The following KMT2D variants were observed in gnomAD, a reference collection of about 807,000 sequenced individuals.
KMT2D encodes the protein histone-lysine N-methyltransferase 2D.
Under a neutral mutation model 512.7 loss-of-function variants are expected in KMT2D, and 55 were observed. That is an observed-to-expected ratio of 0.11 (90% CI 0.09 to 0.13). The LOEUF is 0.13. Among genes scored for constraint, KMT2D ranks in the 10% least tolerant of loss-of-function variants. KMT2D has a pLI of 1.00. For missense variants in KMT2D, 6,061 were observed against 7,127.9 expected, an observed-to-expected ratio of 0.85 and a Z score of 5.39; for synonymous variants, 2,995 against 2,904.0, an observed-to-expected ratio of 1.03 and a Z score of -1.01.
In KMT2D at chr12:49,051,851, G is replaced by C. The variant is rs2120677514; in HGVS notation, c.1832C>G (p.Pro611Arg). ...PPFEESPLSP[P>R]PEESPLSPPP... is the part of the protein sequence containing the mutation. ...TGGGGAAAGGGGAGACTCCTCAGGTGGAGGGGACAGAGGAGACTCTTCAAA... is the reference window on the plus strand; with the variant it reads ...TGGGGAAAGGGGAGACTCCTCAGGTCGAGGGGACAGAGGAGACTCTTCAAA... The change falls in exon 11 of 55, where the codon CCA (proline) becomes CGA (arginine). Residue 611 changes from proline (P) to arginine (R), a missense_variant. Coordinates refer to ENST00000301067, the MANE Select transcript of KMT2D (RefSeq NM_003482.4). 2.5e-6 allele frequency: 4 copies of C among 1,612,604 alleles called. No homozygotes were observed. The highest frequency in any genetic ancestry group is 3.4e-6 in the Non-Finnish European group (4 of 1,179,122).
Position 49,060,497 on chromosome 12 carries a change from C to T in KMT2D, c.-922G>A, listed in dbSNP as rs1938686841. Among the ~76,000 whole-genome samples the T allele has an allele frequency of 6.6e-6, 1 of 152,206 alleles. No homozygotes were observed. The highest frequency in any genetic ancestry group is 2.1e-4 in the South Asian group (1 of 4,830). On this transcript the variant is annotated 5_prime_UTR_variant, in exon 1 of 55. Transcript: ENST00000301067. The stretch of plus-strand genomic sequence containing the variant: ...AGAGGTGCATGGCCCAACCCCGGCT[C>T]CCGGCACCGGGGGGTCAGGAAACTG...
rs1942842467 is a variant in KMT2D at position 49,030,459 on chromosome 12, G to A, written c.13840-20C>T. On this transcript the variant is annotated intron_variant, in intron 42 of 54. Transcript: ENST00000301067. ...GTTATTCTGAGGGGTGGGGGGTGGG[G>A]TGTTGTGTGCAAGATGGCATAGGGA... 2 of 501,922 alleles carry A rather than the reference G, an allele frequency of 4.0e-6. No individual in the cohort carries two copies. Among genetic ancestry groups the A allele is most frequent in the African/African-American group, 2.5e-5 (1 of 39,994 alleles). The allele number at this position is 501,922 out of a possible 1,614,324, so 31.1% of individuals were successfully genotyped here. A position where few individuals can be genotyped will look rare whatever the true frequency, so the allele number is the denominator to read the frequency against.
In KMT2D at chr12:49,037,979, C is replaced by A. The variant is rs772418918; in HGVS notation, c.9377G>T (p.Gly3126Val). ...GAATTGGCAAGGAGAAGGGTGGCGTCCACCCTCCTCCACCTTGGGCTTCAC... is the reference window on the plus strand; with the variant it reads ...GAATTGGCAAGGAGAAGGGTGGCGTACACCCTCCTCCACCTTGGGCTTCAC... ...PEVKPKVEEG[G>V]RHPSPCQFTI... Residue 3126 changes from glycine (G) to valine (V), a missense_variant, in exon 35 of 55, where the codon GGA becomes GTA. Physicochemically the swap from Gly to Val is moderately radical, Grantham distance 109 (BLOSUM62 -3). Around this residue, in one of 16 missense-constraint regions of KMT2D, gnomAD observed 533 missense variants for 539.6 expected, o/e 0.99. Transcript: ENST00000301067. The A allele has an allele frequency of 6.9e-6, 11 of 1,600,814 alleles. No homozygotes were observed. The Admixed American group carries it at 6.9e-5, about 10-fold the overall frequency.
Position 49,022,430 on chromosome 12 carries a change from G to C in KMT2D, c.16339-77C>G, listed in dbSNP as rs1942375690. 1.3e-6 allele frequency: 2 copies of C among 1,513,944 alleles called. No individual in the cohort carries two copies. The highest frequency in any genetic ancestry group is 1.7e-5 in the Admixed American group (1 of 57,516). The allele number at this position is 1,513,944 out of a possible 1,614,324, so 93.8% of individuals were successfully genotyped here. ...GTGGTGGCTGTGGGATCAGGTAGGAGACTCAGGCAGTGGGGGCTTTTGTTG... is the reference window on the plus strand; with the variant it reads ...GTGGTGGCTGTGGGATCAGGTAGGACACTCAGGCAGTGGGGGCTTTTGTTG... On this transcript the variant is annotated intron_variant, in intron 52 of 54. Transcript: ENST00000301067. The surrounding 1 kb of genome is among the most constrained non-coding windows in gnomAD (Gnocchi z 8.6).
chr12:49,024,028 G>A lies in KMT2D; in HGVS notation c.16052+550C>T, dbSNP rs781012288. On this transcript the variant is annotated intron_variant, in intron 51 of 54. Coordinates refer to ENST00000301067, the MANE Select transcript of KMT2D (RefSeq NM_003482.4). The surrounding 1 kb of genome is among the most constrained non-coding windows in gnomAD (Gnocchi z 4.5). ...CTCAGTTTTCTCAGCTGTAAAATGGGGGTCATACCACCTGCCCTACCTACC... is the reference window on the plus strand; with the variant it reads ...CTCAGTTTTCTCAGCTGTAAAATGGAGGTCATACCACCTGCCCTACCTACC... The A allele has an allele frequency of 1.3e-5, 6 of 451,594 alleles. No homozygotes were observed. Among genetic ancestry groups the A allele is most frequent in the South Asian group, 9.5e-5 (6 of 63,270 alleles). The allele number at this position is 451,594 out of a possible 1,614,324, so 28.0% of individuals were successfully genotyped here.
rs1938311888 is a variant in KMT2D at position 49,054,845 on chromosome 12, C to A, written c.176+55G>T. 5.0e-6 allele frequency: 8 copies of A among 1,604,316 alleles called. No homozygotes were observed. The highest frequency in any genetic ancestry group is 2.2e-5 in the South Asian group (2 of 90,624). On this transcript the variant is annotated intron_variant, in intron 3 of 54. Transcript: ENST00000301067. This position sits in a 1 kb window ranked among gnomAD's most constrained non-coding sequence, Gnocchi z 6.4. ...TCCCCAACACTCATTTTCCTAAATTCTCTTCCTTGAAAGCCCTAGACTCTC... is the reference window on the plus strand; with the variant it reads ...TCCCCAACACTCATTTTCCTAAATTATCTTCCTTGAAAGCCCTAGACTCTC...
In KMT2D at chr12:49,032,594, G is replaced by A; in HGVS notation, c.12111C>T (p.Ala4037=). The change falls in exon 40 of 55, where the codon GCC becomes GCT. Residue 4037 remains alanine, a synonymous_variant. Coordinates refer to ENST00000301067, the MANE Select transcript of KMT2D (RefSeq NM_003482.4). The part of the protein sequence containing the change: ...NTVDPAVSSE[A]TEGPSTHQGG... Reference sequence around the variant, plus strand: ...CCTGATGTGTAGAGGGCCCCTCAGTGGCCTCTGAAGAAACGGCTGGGTCTA... The same window carrying A: ...CCTGATGTGTAGAGGGCCCCTCAGTAGCCTCTGAAGAAACGGCTGGGTCTA... 1.2e-6 allele frequency: 2 copies of A among 1,613,912 alleles called. No individual in the cohort carries two copies. Among genetic ancestry groups the A allele is most frequent in the Non-Finnish European group, 1.7e-6 (2 of 1,179,858 alleles).
In KMT2D at chr12:49,042,913, T is replaced by C. The variant is rs769042932; in HGVS notation, c.5645-35A>G. ...AATGAAGGACACTGTTGAGGAAGACTGGGAAGTTCAGGTGACACCACAGGT... is the reference window on the plus strand; with the variant it reads ...AATGAAGGACACTGTTGAGGAAGACCGGGAAGTTCAGGTGACACCACAGGT... On this transcript the variant is annotated intron_variant, in intron 26 of 54. Coordinates refer to ENST00000301067, the MANE Select transcript of KMT2D (RefSeq NM_003482.4). This position sits in a 1 kb window ranked among gnomAD's most constrained non-coding sequence, Gnocchi z 4.4. 2.6e-5 allele frequency: 42 copies of C among 1,612,534 alleles called. No individual in the cohort carries two copies. Among genetic ancestry groups the C allele is most frequent in the Non-Finnish European group, 3.5e-5 (41 of 1,179,078 alleles).
chr12:49,050,419 G>T lies in KMT2D; in HGVS notation c.3169C>A (p.Pro1057Thr), dbSNP rs2120650439. 1 of 1,613,882 alleles carries T rather than the reference G, an allele frequency of 6.2e-7. No homozygotes were observed. The highest frequency in any genetic ancestry group is 8.5e-7 in the Non-Finnish European group (1 of 1,179,804). ...GAGACCCCCACTACCTTCCCTATGGGACTCAACGGGGAGGGAACGGACAGT... is the reference window on the plus strand; with the variant it reads ...GAGACCCCCACTACCTTCCCTATGGTACTCAACGGGGAGGGAACGGACAGT... Reference protein sequence around the residue: ...LPLSVPSPLSPIGKVVGVSDE... With the variant: ...LPLSVPSPLSTIGKVVGVSDE... The change falls in exon 12 of 55, where the codon CCC becomes ACC. Residue 1057 changes from proline (P) to threonine (T), a missense_variant. By Grantham distance (38) the Pro-to-Thr change is conservative. This residue lies in a region of KMT2D where 447 missense variants were observed against 500.1 expected (regional missense o/e 0.89). Coordinates refer to ENST00000301067, the MANE Select transcript of KMT2D (RefSeq NM_003482.4).
intron 46 of KMT2D, 38 bp downstream of exon 46, chr12:49,028,790 C>A (rs2120385553): frequency 1.2e-6 from 2 of 1,608,850 alleles, no homozygotes; most frequent in South Asian, 2.2e-5. Flanking sequence ...GCCCTCTGAT[C>A]AGGTTCCCCT....
chr12:49,031,446 C>G lies in KMT2D; in HGVS notation c.13259G>C (p.Arg4420Pro), dbSNP rs375999143. ...ASQLSIKQEP[R>P]EEPCALGAQS... ...GGCTCCCAGGGCACATGGCTCTTCCCGAGGTTCCTGCTTGATGCTGAGTTG... is the reference window on the plus strand; with the variant it reads ...GGCTCCCAGGGCACATGGCTCTTCCGGAGGTTCCTGCTTGATGCTGAGTTG... Residue 4420 changes from arginine (R) to proline (P), a missense_variant, in exon 40 of 55, where the codon CGG becomes CCG. This residue lies in a region of KMT2D where 1,600 missense variants were observed against 1,754.9 expected (regional missense o/e 0.91). Transcript: ENST00000301067. 6.2e-7 allele frequency: 1 copy of G among 1,613,766 alleles called. No individual in the cohort carries two copies. The highest frequency in any genetic ancestry group is 8.5e-7 in the Non-Finnish European group (1 of 1,179,864).
At chr12:49,045,879 C>T (rs547991668) in intron 19 of KMT2D, 41 bp downstream of exon 19, 47 of 1,478,724 alleles carry the variant, frequency 3.2e-5, no homozygotes, top group Non-Finnish European at 3.5e-5. Flanking sequence ...TGATGTCCGA[C>T]GTCTGGTCTG....
rs1459064287 is a variant in KMT2D at position 49,038,722 on chromosome 12, A to G, written c.8634T>C (p.Ile2878=). 11 of 1,609,798 alleles carry G rather than the reference A, an allele frequency of 6.8e-6. No homozygotes were observed. Among genetic ancestry groups the G allele is most frequent in the Non-Finnish European group, 9.3e-6 (11 of 1,178,368 alleles). The part of the protein sequence containing the change: ...VPGPAGPAQF[I]ELRHNVQKGL... ...CTTTCTGTACATTGTGCCGCAGCTC[A>G]ATGAACTGGGCAGGACCAGCTGGAC... The change falls in exon 35 of 55, where the codon ATT becomes ATC. Residue 2878 remains isoleucine (I), a synonymous_variant. Transcript: ENST00000301067. The surrounding 1 kb of genome is among the most constrained non-coding windows in gnomAD (Gnocchi z 5.7).
chr12:49,025,062 A>G (rs1942507342), intron 49 of KMT2D, 116 bp from the exon 50 acceptor site: 3 of 1,227,362 alleles, frequency 2.4e-6, no homozygotes, highest in Non-Finnish European at 3.4e-6. Flanking sequence ...CCTATCATGA[A>G]GTTGTGTTGG....
chr12:49,032,403 T>G lies in KMT2D; in HGVS notation c.12302A>C (p.Gln4101Pro), dbSNP rs757741709. 34 of 1,599,254 alleles carry G rather than the reference T, an allele frequency of 2.1e-5. No homozygotes were observed. The highest frequency in any genetic ancestry group is 5.3e-5 in the Admixed American group (3 of 56,768). The change falls in exon 40 of 55, where the codon CAG (glutamine) becomes CCG (proline). Residue 4101 changes from glutamine (Q) to proline (P), a missense_variant. Transcript: ENST00000301067. ...GTGGAGCAGGCTAACTTGCTGCTGCTGTTGTCCTGGAAGCCTCAGAGGTGG... is the reference window on the plus strand; with the variant it reads ...GTGGAGCAGGCTAACTTGCTGCTGCGGTTGTCCTGGAAGCCTCAGAGGTGG... ...LQPPLRLPGQ[Q>P]QQQVSLLHTA...
At position 49,047,406 on chromosome 12, in the gene KMT2D, CTTTTTTTTTTT is replaced by C. The variant is rs57252968; in HGVS notation, c.4236+548_4236+558del. Among the ~76,000 whole-genome samples, 12 of 93,882 alleles carry C rather than the reference CTTTTTTTTTTT, an allele frequency of 1.3e-4. 1 individual carries two copies. Among genetic ancestry groups the C allele is most frequent in the African/African-American group, 4.6e-4 (10 of 21,732 alleles). 61.6% of individuals were successfully genotyped at this position (93,882 alleles called of 152,430 possible). A position where few individuals can be genotyped will look rare whatever the true frequency, so the allele number is the denominator to read the frequency against. Reference sequence around the variant, plus strand: ...ACCGAATTAGGTCCCCCAGTTTTTCCTTTTTTTTTTTTTTTTTTTTTTTTTGAGACGGATCT... The same window carrying C: ...ACCGAATTAGGTCCCCCAGTTTTTCCTTTTTTTTTTTTTTGAGACGGATCT... On this transcript the variant is annotated intron_variant, in intron 15 of 54. Transcript: ENST00000301067.
intron 48 of KMT2D, 144 bp downstream of exon 48, chr12:49,027,659 T>C (rs1042423911): frequency 3.4e-5 from 35 of 1,032,730 alleles, no homozygotes; most frequent in Non-Finnish European, 4.5e-5. Flanking sequence ...TTCGCCATGT[T>C]GGCCAGGCTG....
rs2120598356 is a variant in KMT2D, at chr12:49,046,014, G to A, written c.4694-47C>T. ...GAGGTGGCTGAGGTCCTGTCCCAAA[G>A]CAAGGTACCCCTGCTCTGACTCCTC... On this transcript the variant is annotated intron_variant, in intron 18 of 54. Coordinates refer to ENST00000301067, the MANE Select transcript of KMT2D (RefSeq NM_003482.4). The surrounding 1 kb of genome is among the most constrained non-coding windows in gnomAD (Gnocchi z 4.2). The A allele has an allele frequency of 6.2e-7, 1 of 1,613,306 alleles. No homozygotes were observed. The highest frequency in any genetic ancestry group is 8.5e-7 in the Non-Finnish European group (1 of 1,179,450).
chr12:49,045,643 C>CAAA (rs559720363), intron 19 of KMT2D, among the ~76,000 whole-genome samples: 37 of 70,128 alleles, frequency 5.3e-4, no homozygotes, highest in Middle Eastern at 8.2e-3. Flanking sequence ...GACTCCATCT[C>CAAA]AAAAAAAAAA....
Sources: gnomAD v4.1 joint callset for allele counts (sites outside exome capture counted in the v4.1 genomes callset) on GRCh38, gnomAD v4.1.1 for gene constraint, gnomAD v4.1.1 regional missense constraint, Gnocchi (gnomAD v3.1) non-coding constraint, MANE v1.5 for transcripts, NCBI Gene and HGNC (gene_info 2026-07-23, HGNC 2026-07-21) for gene names.